The following MKX variants were observed in gnomAD, a reference collection of about 807,000 sequenced individuals.
MKX encodes mohawk homeobox.
In MKX, 13 loss-of-function variants were observed where a neutral mutation model predicts 36.0. The ratio of observed to expected loss-of-function variants is 0.36; its 90% CI spans 0.24 to 0.57. The LOEUF (loss-of-function observed/expected upper bound fraction) is 0.57, where lower values mean the gene tolerates loss of function less well. Ranked by LOEUF, MKX falls within the 20% of genes least tolerant of loss-of-function variation. The pLI is 0.79. For synonymous variants in MKX, 176 were observed against 178.3 expected (o/e 0.99, Z 0.10); for missense variants, 458 against 456.4 (o/e 1.00, Z -0.03).
chr10:27,728,942 A>G lies in MKX; in HGVS notation c.838+5514T>C, dbSNP rs546297227. Among the ~76,000 whole-genome samples the G allele has an allele frequency of 2.0e-4, 31 of 152,232 alleles. No homozygotes were observed. The East Asian group carries it at 5.2e-3, about 26-fold the overall frequency. On this transcript the variant is annotated intron_variant, in intron 5 of 6. Transcript: ENST00000419761. ...ATGGCTTGTTCTCTCGTTTTGTTCC[A>G]TGTCTCCAACCGCAGCAGGACATCC... is the stretch of plus-strand genomic sequence containing the variant.
At position 27,732,615 on chromosome 10, in the gene MKX, T is replaced by A. The variant is rs571796597; in HGVS notation, c.838+1841A>T. Among the ~76,000 whole-genome samples the A allele has an allele frequency of 5.3e-5, 8 of 152,294 alleles. No individual in the cohort carries two copies. In the East Asian group the frequency reaches 1.3e-3, roughly 26 times the overall value. On this transcript the variant is annotated intron_variant, in intron 5 of 6. Transcript: ENST00000419761. ...TTCAGCTTCCCATTTGACCTTTTTTTATTTTATTTTATTTTTCAATTATCT... is the reference window on the plus strand; with the variant it reads ...TTCAGCTTCCCATTTGACCTTTTTTAATTTTATTTTATTTTTCAATTATCT...
intron 5 of MKX, among the ~76,000 whole-genome samples, chr10:27,700,126 G>A (rs1939821597): frequency 6.6e-6 from 1 of 152,154 alleles, no homozygotes; most frequent in Non-Finnish European, 1.5e-5. Context: ...ATGTTTTTGG[G>A]ATTGAAACAT....
At chr10:27,704,897 A>T (rs781236013) in intron 5 of MKX, among the ~76,000 whole-genome samples, 3 of 152,216 alleles carry the variant, frequency 2.0e-5, no homozygotes, top group Non-Finnish European at 4.4e-5. Flanking sequence ...ATTAAAATAA[A>T]TATATACAAT....
intron 4 of MKX, 78 bp from the exon 5 acceptor site, chr10:27,734,869 A>G: frequency 1.3e-6 from 1 of 789,314 alleles, no homozygotes; most frequent in Non-Finnish European, 1.8e-6. Context: ...TTTAATCCTT[A>G]AAAATATATA....
chr10:27,679,061 A>C (rs913593820), intron 5 of MKX, among the ~76,000 whole-genome samples: 5 of 151,796 alleles, frequency 3.3e-5, no homozygotes, highest in Non-Finnish European at 7.4e-5. Context: ...GTAGGTATAG[A>C]TTGGGTTCCT....
chr10:27,716,307 A>C (rs1836962290), intron 5 of MKX, among the ~76,000 whole-genome samples: 1 of 151,714 alleles, frequency 6.6e-6, no homozygotes, highest in Non-Finnish European at 1.5e-5. Context: ...GCACATTGTC[A>C]GGCTACTAGG....
At chr10:27,724,221 G>A (rs1834438378) in intron 5 of MKX, among the ~76,000 whole-genome samples, 1 of 152,156 alleles carries the variant, frequency 6.6e-6, no homozygotes, top group South Asian at 2.1e-4. Flanking sequence ...TGAACACAGT[G>A]TGTAAAAGAT....
At chr10:27,686,421 GGAA>G (rs1836353468) in intron 5 of MKX, among the ~76,000 whole-genome samples, 1 of 149,766 alleles carries the variant, frequency 6.7e-6, no homozygotes. Flanking sequence ...AAGGAAGGAA[GGAA>G]GGAAGGAAGG....
chr10:27,744,442 G>A lies in MKX; in HGVS notation c.-82-945C>T, dbSNP rs2132663140. On this transcript the variant is annotated intron_variant, in intron 1 of 6. Coordinates refer to ENST00000419761, the MANE Select transcript of MKX (RefSeq NM_173576.3). The surrounding 1 kb of genome is among the most constrained non-coding windows in gnomAD (Gnocchi z 5.6). ...CTCCCGGGCCACTGCTGCCACTGTC[G>A]GGGAGAGCCAGCAGCTCACCTCTGG... is the stretch of plus-strand genomic sequence containing the variant. Among the ~76,000 whole-genome samples the A allele has an allele frequency of 6.6e-6, 1 of 152,208 alleles. No homozygotes were observed. The highest frequency in any genetic ancestry group is 2.1e-4 in the South Asian group (1 of 4,822).
rs1834955882 is a variant in MKX, at chr10:27,743,274, C to G, written c.142G>C (p.Gly48Arg). ...CCGAGGTTGTCCTTGAGGGGCGGGC[C>G]GTCGGGAATGCCCACCTCGGGGCGG... Reference protein sequence around the residue: ...HARPEVGIPDGPPLKDNLGLR... With the variant: ...HARPEVGIPDRPPLKDNLGLR... Residue 48 changes from glycine to arginine, a missense_variant, in exon 2 of 7, where the codon GGC becomes CGC. By Grantham distance (125) the Gly-to-Arg change is moderately radical (BLOSUM62 -2). Transcript: ENST00000419761. 6 of 1,548,200 alleles carry G rather than the reference C, an allele frequency of 3.9e-6. No homozygotes were observed. The highest frequency in any genetic ancestry group is 5.2e-6 in the Non-Finnish European group (6 of 1,152,778).
intron 5 of MKX, among the ~76,000 whole-genome samples, chr10:27,692,863 C>T (rs866029077): frequency 4.8e-4 from 73 of 152,274 alleles, no homozygotes; most frequent in African/African-American, 1.4e-3. Flanking sequence ...GTCAGCCCTG[C>T]GAGGTAGCTG....
chr10:27,696,921 A>G (rs1044014679), intron 5 of MKX, among the ~76,000 whole-genome samples: 2 of 152,158 alleles, frequency 1.3e-5, no homozygotes, highest in Non-Finnish European at 2.9e-5. Flanking sequence ...CTACTTCTCT[A>G]ATCTGTTGGT....
chr10:27,690,708 G>C (rs77193536), intron 5 of MKX, among the ~76,000 whole-genome samples: 5,996 of 152,234 alleles, frequency 0.039, 367 homozygotes, highest in African/African-American at 0.13. Flanking sequence ...ACTTGAAGAA[G>C]TCAGGGTGCA....
At chr10:27,711,499 T>TCTCTCTCCCTTCCTTCCTTCC (rs1554772224) in intron 5 of MKX, among the ~76,000 whole-genome samples, 7 of 93,068 alleles carry the variant, frequency 7.5e-5, no homozygotes, top group African/African-American at 3.6e-4. Context: ...CTCTCTCTTC[T>TCTCTCTCCCTTCCTTCCTTCC]TTCCTTCCTT....
chr10:27,697,901 A>C (rs925389020), intron 5 of MKX, among the ~76,000 whole-genome samples: 3 of 152,190 alleles, frequency 2.0e-5, no homozygotes, highest in African/African-American at 7.2e-5. Flanking sequence ...GTGGGGCAGC[A>C]GGGAAGAGAC....
Position 27,743,368 on chromosome 10 carries a change from C to T in MKX, c.48G>A (p.Glu16=), listed in dbSNP as rs781441851. ...FNKLSGAVLF[E]DGGASERERG... ...GCTCCCGCTCCGAGGCGCCTCCGTC[C>T]TCAAACAGCACCGCACCGCTGAGCT... Residue 16 remains glutamate, a synonymous_variant, in exon 2 of 7, where the codon GAG becomes GAA. Coordinates refer to ENST00000419761, the MANE Select transcript of MKX (RefSeq NM_173576.3). 3 of 1,577,376 alleles carry T rather than the reference C, an allele frequency of 1.9e-6. No individual in the cohort carries two copies. The African/African-American group carries it at 4.1e-5, about 22-fold the overall frequency.
intron 5 of MKX, among the ~76,000 whole-genome samples, chr10:27,700,655 C>T (rs1290690983): frequency 6.6e-6 from 1 of 152,008 alleles, no homozygotes; most frequent in African/African-American, 2.4e-5. Flanking sequence ...AAGAGTGTTT[C>T]AAAGGTGGAA....
At chr10:27,727,042 G>C (rs1834506934) in intron 5 of MKX, among the ~76,000 whole-genome samples, 4 of 152,134 alleles carry the variant, frequency 2.6e-5, no homozygotes, top group African/African-American at 7.2e-5. Flanking sequence ...AGTACCAAAT[G>C]AAAGAGATAG....
At chr10:27,700,616 AAAGAT>A (rs1369406447) in intron 5 of MKX, among the ~76,000 whole-genome samples, 1 of 152,194 alleles carries the variant, frequency 6.6e-6, no homozygotes, top group Non-Finnish European at 1.5e-5. Flanking sequence ...CTACATAACA[AAAGAT>A]AGACATACTT....
Sources: allele counts gnomAD v4.1 joint callset (sites outside exome capture counted in the v4.1 genomes callset), GRCh38; gene constraint gnomAD v4.1.1; non-coding constraint Gnocchi (gnomAD v3.1); transcripts MANE v1.5; gene names NCBI Gene and HGNC (gene_info 2026-07-23, HGNC 2026-07-21).